GPR39: variants seen among roughly 807,000 people sequenced by gnomAD.
The protein encoded by GPR39 is G protein-coupled receptor 39.
Under a neutral mutation model 18.4 loss-of-function variants are expected in GPR39, and 23 were observed. That is an observed-to-expected ratio of 1.25 (90% confidence interval 0.90 to 1.77). The LOEUF is 1.77. Ranked by LOEUF, GPR39 falls within the 40% of genes most tolerant of loss-of-function variation. The probability of loss-of-function intolerance (pLI) is 0.00; values close to 1 mark genes in which losing one functional copy is unlikely to be tolerated. For missense variants in GPR39, 647 were observed against 602.4 expected, an observed-to-expected ratio of 1.07 and a Z score of -0.78; for synonymous variants, 280 against 257.9, an observed-to-expected ratio of 1.09 and a Z score of -0.82.
chr2:132,524,590 T>C (rs1210338751), intron 1 of GPR39, among the ~76,000 whole-genome samples: 2 of 152,200 alleles, frequency 1.3e-5, no homozygotes, highest in East Asian at 3.9e-4. Flanking sequence ...AGTCTGCTGC[T>C]ACATGATGCT....
intron 1 of GPR39, among the ~76,000 whole-genome samples, chr2:132,486,750 C>G (rs2104792569): frequency 6.6e-6 from 1 of 152,286 alleles, no homozygotes; most frequent in South Asian, 2.1e-4. Flanking sequence ...CTGGTTTGAT[C>G]TTCTATCAAA....
chr2:132,478,802 C>G (rs1010909927), intron 1 of GPR39, among the ~76,000 whole-genome samples: 1 of 152,084 alleles, frequency 6.6e-6, no homozygotes, highest in African/African-American at 2.4e-5. Flanking sequence ...TTTCAGAACC[C>G]AAGTGACCAG....
At chr2:132,643,493 T>C (rs1573715467) in intron 1 of GPR39, among the ~76,000 whole-genome samples, 1 of 152,180 alleles carries the variant, frequency 6.6e-6, no homozygotes, top group East Asian at 1.9e-4. Flanking sequence ...GATGTGTGAA[T>C]GTGGCTGTTT....
At chr2:132,637,647 T>C (rs1272359849) in intron 1 of GPR39, among the ~76,000 whole-genome samples, 1 of 152,204 alleles carries the variant, frequency 6.6e-6, no homozygotes, top group Non-Finnish European at 1.5e-5. Flanking sequence ...TGCAGGTCAC[T>C]AGAAAAGTGA....
intron 1 of GPR39, among the ~76,000 whole-genome samples, chr2:132,517,864 C>T (rs553873829): frequency 1.3e-5 from 2 of 152,294 alleles, no homozygotes; most frequent in East Asian, 3.9e-4. Flanking sequence ...CAAGTACCTA[C>T]TGAACACCTA....
chr2:132,427,489 TTTATATA>T (rs1278353840), intron 1 of GPR39, among the ~76,000 whole-genome samples: 3 of 150,706 alleles, frequency 2.0e-5, no homozygotes, highest in South Asian at 2.1e-4. Flanking sequence ...TCTATTTGGT[TTTATATA>T]TTATATATGT....
intron 1 of GPR39, among the ~76,000 whole-genome samples, chr2:132,504,133 TC>T (rs1387354227): frequency 6.6e-6 from 1 of 152,178 alleles, no homozygotes; most frequent in Non-Finnish European, 1.5e-5. Flanking sequence ...CCTGGTATGT[TC>T]CTGCAGTCGT....
intron 1 of GPR39, among the ~76,000 whole-genome samples, chr2:132,562,413 C>A (rs1253261911): frequency 6.6e-6 from 1 of 152,170 alleles, no homozygotes; most frequent in Non-Finnish European, 1.5e-5. Context: ...CTGCCTAATT[C>A]TTCAGCCTCA....
intron 1 of GPR39, chr2:132,606,050 G>A (rs1327060767): frequency 2.0e-5 from 3 of 152,252 alleles, no homozygotes; most frequent in African/African-American, 4.8e-5. Context: ...AATCTGCAGA[G>A]CAGCAAGCGG....
At chr2:132,469,286 G>A (rs1414125815) in intron 1 of GPR39, among the ~76,000 whole-genome samples, 4 of 152,232 alleles carry the variant, frequency 2.6e-5, no homozygotes, top group Admixed American at 6.5e-5. Flanking sequence ...GCTAAAATGA[G>A]TGGCTGGGGG....
At chr2:132,546,830 G>T in intron 1 of GPR39, among the ~76,000 whole-genome samples, 1 of 71,322 alleles carries the variant, frequency 1.4e-5, no homozygotes, top group African/African-American at 7.8e-5. Flanking sequence ...GGATGCAGTA[G>T]CTCCACAGCA....
intron 1 of GPR39, among the ~76,000 whole-genome samples, chr2:132,498,969 T>G (rs1681700342): frequency 6.6e-6 from 1 of 152,194 alleles, no homozygotes; most frequent in East Asian, 1.9e-4. Flanking sequence ...TAGTCCTTTG[T>G]CGGATGTATG....
Position 132,645,434 on chromosome 2 carries a change from G to C in GPR39, c.1190G>C (p.Arg397Pro). ...CAGCGCCCGTTGCTCTTCGCGTCCC[G>C]GCGCCAGTCCTCTGCAAGGAGAACT... is the stretch of plus-strand genomic sequence containing the variant. Reference protein sequence around the residue: ...FVQRPLLFASRRQSSARRTEK... With the variant: ...FVQRPLLFASPRQSSARRTEK... Residue 397 changes from arginine to proline, a missense_variant, in exon 2 of 2, where the codon CGG (arginine) becomes CCG (proline). Physicochemically the swap from Arg to Pro is moderately radical, Grantham distance 103 (BLOSUM62 -2). Transcript: ENST00000329321. 1 of 1,613,520 alleles carries C rather than the reference G, an allele frequency of 6.2e-7. No homozygotes were observed. The highest frequency in any genetic ancestry group is 8.5e-7 in the Non-Finnish European group (1 of 1,180,020).
intron 1 of GPR39, among the ~76,000 whole-genome samples, chr2:132,512,645 A>G (rs1267960265): frequency 6.6e-6 from 1 of 152,186 alleles, no homozygotes; most frequent in Non-Finnish European, 1.5e-5. Flanking sequence ...GGACTTAACA[A>G]TAGTTTTCAC....
Position 132,575,199 on chromosome 2 carries a change from A to G in GPR39, c.857-69902A>G, listed in dbSNP as rs531952663. ...GTATGGTTTATTGTAGTTTTATGACATATAAAAAAGTTAAGGACTTTACAG... is the reference window on the plus strand; with the variant it reads ...GTATGGTTTATTGTAGTTTTATGACGTATAAAAAAGTTAAGGACTTTACAG... On this transcript the variant is annotated intron_variant, in intron 1 of 1. Coordinates refer to ENST00000329321, the MANE Select transcript of GPR39 (RefSeq NM_001508.3). Among the ~76,000 whole-genome samples, 5 of 152,340 alleles carry G rather than the reference A, an allele frequency of 3.3e-5. No individual in the cohort carries two copies. The South Asian group carries it at 8.3e-4, about 25-fold the overall frequency.
rs750386564 is a variant in GPR39 at position 132,646,088 on chromosome 2, G to C, written c.*482G>C. 1 of 1,604,098 alleles carries C rather than the reference G, an allele frequency of 6.2e-7. No individual in the cohort carries two copies. The highest frequency in any genetic ancestry group is 8.5e-7 in the Non-Finnish European group (1 of 1,174,422). ...GAGGGCTAATTTGAGGAACAGGATG[G>C]TGGTGCGGAGCCCTGGCCTGAGGGC... is the stretch of plus-strand genomic sequence containing the variant. On this transcript the variant is annotated 3_prime_UTR_variant, in exon 2 of 2. Coordinates refer to ENST00000329321, the MANE Select transcript of GPR39 (RefSeq NM_001508.3).
chr2:132,492,434 T>C (rs1681493399), intron 1 of GPR39, among the ~76,000 whole-genome samples: 1 of 142,764 alleles, frequency 7.0e-6, no homozygotes, highest in Admixed American at 7.2e-5. Flanking sequence ...ATATACACCA[T>C]ATATATACAC....
chr2:132,578,947 A>G (rs1263178498), intron 1 of GPR39, among the ~76,000 whole-genome samples: 3 of 151,500 alleles, frequency 2.0e-5, no homozygotes, highest in Admixed American at 2.0e-4. Flanking sequence ...TAAAATTTCA[A>G]TTTCATTAAT....
At chr2:132,614,832 T>A (rs1303875154) in intron 1 of GPR39, among the ~76,000 whole-genome samples, 1 of 152,074 alleles carries the variant, frequency 6.6e-6, no homozygotes, top group South Asian at 2.1e-4. Flanking sequence ...TGAGCCACCA[T>A]GCCCGGCCAA....
Sources: gnomAD v4.1 joint callset for allele counts (sites outside exome capture counted in the v4.1 genomes callset) on GRCh38, gnomAD v4.1.1 for gene constraint, MANE v1.5 for transcripts, NCBI Gene and HGNC (gene_info 2026-07-23, HGNC 2026-07-21) for gene names.